Variants in LCLAT1 observed in about 807,000 individuals in gnomAD.
LCLAT1 encodes the protein lysocardiolipin acyltransferase 1, also known as 1-AGP acyltransferase 8.
LCLAT1 carries 11 observed loss-of-function variants against 30.7 expected under a neutral mutation model. That is an observed-to-expected ratio of 0.36 (90% CI 0.23 to 0.59). The LOEUF is 0.59. LCLAT1 is among the 20% of genes least tolerant of loss of function. LCLAT1 has a pLI of 0.77. For synonymous variants in LCLAT1, 155 were observed against 151.3 expected, an observed-to-expected ratio of 1.02 and a Z score of -0.18; for missense variants, 402 against 458.6, an observed-to-expected ratio of 0.88 and a Z score of 1.13.
intron 5 of LCLAT1, among the ~76,000 whole-genome samples, chr2:30,613,355 CAG>C (rs1414361909): frequency 2.0e-5 from 3 of 151,934 alleles, no homozygotes; most frequent in African/African-American, 4.8e-5. Flanking sequence ...GGTGGGCAAA[CAG>C]AGAAACCAAT....
In LCLAT1 at chr2:30,447,343, C is replaced by A. The variant is rs1420604005; in HGVS notation, c.-45C>A. ...CCTACGGAGCCCCAGCTTGCCCACG[C>A]ACCCCACTCGGCGTCGCGCGGCGTG... On this transcript the variant is annotated 5_prime_UTR_variant, in exon 1 of 6. Transcript: ENST00000379509. The A allele has an allele frequency of 6.6e-6, 1 of 152,156 alleles. No individual in the cohort carries two copies. The highest frequency in any genetic ancestry group is 2.4e-5 in the African/African-American group (1 of 41,446). 9.4% of individuals were successfully genotyped at this position (152,156 alleles called of 1,614,324 possible). A position where few individuals can be genotyped will look rare whatever the true frequency, so the allele number is the denominator to read the frequency against.
intron 5 of LCLAT1, among the ~76,000 whole-genome samples, chr2:30,580,520 G>A (rs1431666755): frequency 6.6e-6 from 1 of 152,208 alleles, no homozygotes; most frequent in Non-Finnish European, 1.5e-5. Flanking sequence ...GTGGAGATAT[G>A]TAGTTTAGAT....
chr2:30,516,668 A>G (rs1254817221), intron 1 of LCLAT1, among the ~76,000 whole-genome samples: 1 of 152,162 alleles, frequency 6.6e-6, no homozygotes, highest in African/African-American at 2.4e-5. Flanking sequence ...GCAGCCTGCC[A>G]TCATCTTGAG....
chr2:30,505,257 ACCACTTGATACT>A (rs1684599115), intron 1 of LCLAT1, among the ~76,000 whole-genome samples: 1 of 151,986 alleles, frequency 6.6e-6, no homozygotes, highest in Non-Finnish European at 1.5e-5. Context: ...AACTGGGTAT[ACCACTTGATACT>A]CCCTCCAGCT....
intron 1 of LCLAT1, among the ~76,000 whole-genome samples, chr2:30,459,130 C>T (rs1477234402): frequency 6.6e-6 from 1 of 152,138 alleles, no homozygotes; most frequent in Non-Finnish European, 1.5e-5. Context: ...GTTCCTCTAG[C>T]CATCTTTGAA....
At chr2:30,538,922 G>T (rs1663963178) in intron 3 of LCLAT1, among the ~76,000 whole-genome samples, 1 of 151,026 alleles carries the variant, frequency 6.6e-6, no homozygotes, top group Non-Finnish European at 1.5e-5. Flanking sequence ...CTCAGCACCA[G>T]ATGGCTTCAC....
chr2:30,609,084 A>C (rs904439715), intron 5 of LCLAT1, among the ~76,000 whole-genome samples: 3 of 152,098 alleles, frequency 2.0e-5, no homozygotes, highest in African/African-American at 7.2e-5. Context: ...TTCCTCATCT[A>C]TTCATTGCCT....
At chr2:30,459,669 G>A in intron 1 of LCLAT1, 1 of 1,614,098 alleles carries the variant, frequency 6.2e-7, no homozygotes, top group Non-Finnish European at 8.5e-7. Context: ...CAATTAACGA[G>A]GCAGTTTCTA....
intron 5 of LCLAT1, among the ~76,000 whole-genome samples, chr2:30,568,864 CAA>C (rs61325694): frequency 0.026 from 2,288 of 89,074 alleles, 45 homozygotes; most frequent in African/African-American, 0.077. Flanking sequence ...TCATGAATAG[CAA>C]AAAAAAAAAA....
chr2:30,550,113 G>T (rs1358420761), intron 3 of LCLAT1, among the ~76,000 whole-genome samples: 1 of 152,138 alleles, frequency 6.6e-6, no homozygotes, highest in African/African-American at 2.4e-5. Context: ...CATTATTTGT[G>T]TATTTTTTTA....
At chr2:30,534,554 C>T (rs1483399498) in intron 3 of LCLAT1, among the ~76,000 whole-genome samples, 3 of 152,162 alleles carry the variant, frequency 2.0e-5, no homozygotes, top group African/African-American at 7.2e-5. Flanking sequence ...CTGGAACAGG[C>T]GTGAGCCACT....
intron 1 of LCLAT1, among the ~76,000 whole-genome samples, chr2:30,521,072 G>C (rs749761114): frequency 6.6e-6 from 1 of 152,264 alleles, no homozygotes; most frequent in Non-Finnish European, 1.5e-5. Flanking sequence ...TTAAGGAGCT[G>C]GCCAAAACCC....
intron 1 of LCLAT1, among the ~76,000 whole-genome samples, chr2:30,489,772 C>G (rs1185164519): frequency 6.6e-6 from 1 of 152,138 alleles, no homozygotes; most frequent in East Asian, 1.9e-4. Context: ...CAGGGAGTGC[C>G]CTGTGGCCCC....
At chr2:30,494,796 AG>A (rs1424150584) in intron 1 of LCLAT1, among the ~76,000 whole-genome samples, 5 of 151,122 alleles carry the variant, frequency 3.3e-5, no homozygotes, top group African/African-American at 1.2e-4. Flanking sequence ...TGATCCTCAA[AG>A]CTTCATCTTT....
At chr2:30,519,957 C>T (rs534923624) in intron 1 of LCLAT1, among the ~76,000 whole-genome samples, 12 of 152,336 alleles carry the variant, frequency 7.9e-5, no homozygotes, top group Non-Finnish European at 1.5e-4. Context: ...GTGTCCGCTG[C>T]GCTTCTGATC....
intron 1 of LCLAT1, among the ~76,000 whole-genome samples, chr2:30,463,847 A>G (rs945025893): frequency 4.6e-5 from 7 of 152,242 alleles, no homozygotes; most frequent in Non-Finnish European, 1.0e-4. Flanking sequence ...TTCCAGTTAT[A>G]TGGCTATGCC....
At chr2:30,576,878 T>A (rs1666012275) in intron 5 of LCLAT1, among the ~76,000 whole-genome samples, 1 of 151,958 alleles carries the variant, frequency 6.6e-6, no homozygotes, top group African/African-American at 2.4e-5. Flanking sequence ...GATATTTGTG[T>A]TGAGTATTGC....
chr2:30,612,281 C>T (rs1021752208), intron 5 of LCLAT1, among the ~76,000 whole-genome samples: 2 of 152,076 alleles, frequency 1.3e-5, no homozygotes, highest in Non-Finnish European at 2.9e-5. Flanking sequence ...TGTTTAACAT[C>T]GTCAAATATG....
At chr2:30,537,546 G>A (rs11686357) in intron 3 of LCLAT1, among the ~76,000 whole-genome samples, 84 of 101,432 alleles carry the variant, frequency 8.3e-4, no homozygotes, top group South Asian at 1.4e-3. Flanking sequence ...ACACACACAC[G>A]CACGCACACC....
Sources: allele counts gnomAD v4.1 joint callset (sites outside exome capture counted in the v4.1 genomes callset), GRCh38; gene constraint gnomAD v4.1.1; transcripts MANE v1.5; gene names NCBI Gene and HGNC (gene_info 2026-07-23, HGNC 2026-07-21).